PTPRD: variants seen among roughly 807,000 people sequenced by gnomAD.
The protein encoded by PTPRD is receptor-type tyrosine-protein phosphatase delta.
A neutral mutation model predicts 214.5 loss-of-function variants in PTPRD; 34 were observed. The observed-to-expected ratio is 0.16, with a 90% CI of 0.12 to 0.21. PTPRD has a LOEUF of 0.21. Among genes scored for constraint, PTPRD ranks in the 10% least tolerant of loss-of-function variants. The probability of loss-of-function intolerance (pLI) is 1.00; values close to 1 mark genes in which losing one functional copy is unlikely to be tolerated. For synonymous variants in PTPRD, 1,128 were observed against 845.7 expected, an observed-to-expected ratio of 1.33 and a Z score of -5.79; for missense variants, 2,545 against 2,398.7, an observed-to-expected ratio of 1.06 and a Z score of -1.27.
intron 33 of PTPRD, 191 bp downstream of exon 33, chr9:8,460,220 G>C: frequency 2.8e-6 from 2 of 724,546 alleles, no homozygotes; most frequent in Non-Finnish European, 4.7e-6. Flanking sequence ...TACCAAAACT[G>C]AATAAGATTC....
Position 9,538,459 on chromosome 9 carries a change from T to C in PTPRD, c.-237+36273A>G, listed in dbSNP as rs2076945594. Among the ~76,000 whole-genome samples the C allele has an allele frequency of 2.0e-5, 3 of 152,010 alleles. No homozygotes were observed. The South Asian group carries it at 6.2e-4, about 32-fold the overall frequency. On this transcript the variant is annotated intron_variant, in intron 8 of 45. Transcript: ENST00000381196. ...AGAACACATTTTTCTTCAAAAAGTA[T>C]TTTAGTGGATTGGCTCTACATCAAA...
intron 12 of PTPRD, among the ~76,000 whole-genome samples, chr9:8,693,252 T>C (rs1565329100): frequency 6.6e-6 from 1 of 152,198 alleles, no homozygotes; most frequent in African/African-American, 2.4e-5. Context: ...TCCTGAAACC[T>C]TACTCAGTTG....
intron 3 of PTPRD, among the ~76,000 whole-genome samples, chr9:10,059,233 T>C (rs929079141): frequency 3.3e-5 from 5 of 152,142 alleles, no homozygotes; most frequent in Non-Finnish European, 7.4e-5. Context: ...TTTAGACATG[T>C]TCTTCACATA....
intron 31 of PTPRD, among the ~76,000 whole-genome samples, chr9:8,470,214 A>G (rs914962427): frequency 2.0e-5 from 3 of 152,066 alleles, no homozygotes; most frequent in East Asian, 1.9e-4. Context: ...CTACTCATTA[A>G]CTTGCTGTGG....
chr9:8,397,461 T>A (rs563625946), intron 36 of PTPRD, among the ~76,000 whole-genome samples: 1 of 152,018 alleles, frequency 6.6e-6, no homozygotes, highest in East Asian at 1.9e-4. Context: ...TTTCCTAGGT[T>A]TTTTTGGTTT....
At chr9:10,409,618 T>C (rs1283252962) in intron 2 of PTPRD, among the ~76,000 whole-genome samples, 1 of 151,836 alleles carries the variant, frequency 6.6e-6, no homozygotes. Context: ...TTTATGCATA[T>C]ACATTGTGGT....
intron 5 of PTPRD, among the ~76,000 whole-genome samples, chr9:9,849,084 T>C (rs905481117): frequency 1.3e-5 from 2 of 151,862 alleles, no homozygotes; most frequent in African/African-American, 2.4e-5. Flanking sequence ...TACCCTATGT[T>C]TTTAAATACA....
intron 5 of PTPRD, among the ~76,000 whole-genome samples, chr9:9,930,118 TATC>T (rs1566437212): frequency 6.6e-6 from 1 of 151,894 alleles, no homozygotes; most frequent in East Asian, 1.9e-4. Flanking sequence ...GCTCCAGGAG[TATC>T]TACCTGAAGA....
intron 10 of PTPRD, among the ~76,000 whole-genome samples, chr9:9,089,556 G>A (rs1253743050): frequency 2.6e-5 from 4 of 152,116 alleles, no homozygotes; most frequent in Non-Finnish European, 5.9e-5. Flanking sequence ...GTATGCAAGG[G>A]CCTACAAATT....
At position 8,952,240 on chromosome 9, in the gene PTPRD, G is replaced by A. The variant is rs535421911; in HGVS notation, c.-104+66457C>T. ...TACCAACCTCTAATAGATATTTGTTGAAGAAACAAACTGATAATTAATGTA... is the reference window on the plus strand; with the variant it reads ...TACCAACCTCTAATAGATATTTGTTAAAGAAACAAACTGATAATTAATGTA... On this transcript the variant is annotated intron_variant, in intron 11 of 45. Coordinates refer to ENST00000381196, the MANE Select transcript of PTPRD (RefSeq NM_002839.4). 2.6e-5 allele frequency among the ~76,000 whole-genome samples: 4 copies of A among 151,854 alleles called. No homozygotes were observed. The South Asian group carries it at 8.3e-4, about 31-fold the overall frequency.
intron 3 of PTPRD, among the ~76,000 whole-genome samples, chr9:10,338,858 T>C (rs1405179658): frequency 1.3e-5 from 2 of 151,620 alleles, no homozygotes; most frequent in African/African-American, 4.8e-5. Flanking sequence ...GCTTAGCAGA[T>C]ATATAGCTTA....
intron 7 of PTPRD, among the ~76,000 whole-genome samples, chr9:9,582,076 C>T (rs145608527): frequency 2.7e-4 from 41 of 152,176 alleles, no homozygotes; most frequent in African/African-American, 9.9e-4. Context: ...CAAAATCTAG[C>T]TTGAGAAGTT....
At chr9:8,776,586 C>T (rs890255954) in intron 11 of PTPRD, among the ~76,000 whole-genome samples, 4 of 151,844 alleles carry the variant, frequency 2.6e-5, no homozygotes, top group Admixed American at 6.6e-5. Context: ...GCCACTGCAC[C>T]CAGCCTAAGA....
intron 10 of PTPRD, among the ~76,000 whole-genome samples, chr9:9,039,454 G>A (rs1477892209): frequency 6.6e-6 from 1 of 152,112 alleles, no homozygotes; most frequent in Non-Finnish European, 1.5e-5. Context: ...GAACACAGAG[G>A]CCTACAAACT....
At chr9:9,759,054 G>C (rs1488433928) in intron 6 of PTPRD, among the ~76,000 whole-genome samples, 1 of 152,036 alleles carries the variant, frequency 6.6e-6, no homozygotes, top group Admixed American at 6.6e-5. Context: ...CAAGATTTCA[G>C]ACTTTTTATC....
Position 8,341,834 on chromosome 9 carries a change from G to A in PTPRD, c.4806C>T (p.Tyr1602=), listed in dbSNP as rs1179588385. The change falls in exon 40 of 46, where the codon TAC becomes TAT. Residue 1602 remains tyrosine, a synonymous_variant. Transcript: ENST00000381196. ...CTAACAGTGCATCATGGATAAAGAT[G>A]TATTGGTCTTCTGTTTGAACCATAT... ...RNYMVQTEDQ[Y]IFIHDALLEA... 11 of 1,613,528 alleles carry A rather than the reference G, an allele frequency of 6.8e-6. No homozygotes were observed. Among genetic ancestry groups the A allele is most frequent in the Non-Finnish European group, 9.3e-6 (11 of 1,179,712 alleles).
At position 9,209,078 on chromosome 9, in the gene PTPRD, A is replaced by G. The variant is rs375817894; in HGVS notation, c.-202-25715T>C. Reference sequence around the variant, plus strand: ...CCGCCTTGGCCTCCCAAAGTGCTGGAATTACAGGCTTGAGCCACCGCGACC... The same window carrying G: ...CCGCCTTGGCCTCCCAAAGTGCTGGGATTACAGGCTTGAGCCACCGCGACC... On this transcript the variant is annotated intron_variant, in intron 9 of 45. Transcript: ENST00000381196. 1.2e-3 allele frequency among the ~76,000 whole-genome samples: 182 copies of G among 152,174 alleles called. 2 individuals are homozygous for G. The South Asian group carries it at 0.034, about 28-fold the overall frequency.
intron 14 of PTPRD, among the ~76,000 whole-genome samples, chr9:8,592,662 G>A (rs2094197310): frequency 6.6e-6 from 1 of 152,120 alleles, no homozygotes; most frequent in Non-Finnish European, 1.5e-5. Flanking sequence ...GACAAAGGTT[G>A]AATATCGTGG....
intron 7 of PTPRD, among the ~76,000 whole-genome samples, chr9:9,641,460 C>T (rs188078031): frequency 3.9e-5 from 6 of 152,262 alleles, no homozygotes; most frequent in African/African-American, 1.4e-4. Flanking sequence ...ACCCCATGAA[C>T]TGAGCACACT....
Sources: gnomAD v4.1 joint callset for allele counts (sites outside exome capture counted in the v4.1 genomes callset) on GRCh38, gnomAD v4.1.1 for gene constraint, MANE v1.5 for transcripts, NCBI Gene and HGNC (gene_info 2026-07-23, HGNC 2026-07-21) for gene names.